NELL1: variants seen among roughly 807,000 people sequenced by gnomAD.
NELL1 encodes neural EGFL like 1, also known as protein kinase C-binding protein NELL1.
In NELL1, 76 loss-of-function variants were observed where a neutral mutation model predicts 107.4. That is an observed-to-expected ratio of 0.71 (90% CI 0.59 to 0.86). The LOEUF (loss-of-function observed/expected upper bound fraction) is 0.86, where lower values mean the gene tolerates loss of function less well. Among genes scored for constraint, NELL1 ranks in the 40% least tolerant of loss-of-function variants. The probability of loss-of-function intolerance (pLI) is 0.00; values close to 1 mark genes in which losing one functional copy is unlikely to be tolerated. For missense variants in NELL1, 1,024 were observed against 1,005.5 expected (o/e 1.02, Z -0.25); for synonymous variants, 353 against 341.2 (o/e 1.03, Z -0.38).
intron 2 of NELL1, among the ~76,000 whole-genome samples, chr11:20,715,368 C>T (rs1855225257): frequency 6.6e-6 from 1 of 151,382 alleles, no homozygotes; most frequent in Non-Finnish European, 1.5e-5. Flanking sequence ...CTTCTGTCAG[C>T]CTTCCTATAC....
chr11:21,456,849 G>A (rs1036143395), intron 15 of NELL1, among the ~76,000 whole-genome samples: 3 of 151,920 alleles, frequency 2.0e-5, no homozygotes, highest in African/African-American at 7.3e-5. Context: ...TATTTTCCAT[G>A]AGATGGTGTA....
chr11:21,229,265 A>G, intron 13 of NELL1, 67 bp from the exon 14 acceptor site: 14 of 1,579,620 alleles, frequency 8.9e-6, no homozygotes, highest in African/African-American at 1.3e-5. Context: ...TTCCAGCTAC[A>G]TTTCCCAATA....
At chr11:20,895,414 T>C (rs1293272746) in intron 5 of NELL1, among the ~76,000 whole-genome samples, 2 of 150,092 alleles carry the variant, frequency 1.3e-5, no homozygotes, top group Admixed American at 6.6e-5. Context: ...GTCTCTGTTA[T>C]CTGTCTTTCC....
At chr11:20,890,076 G>A (rs2134114138) in intron 5 of NELL1, among the ~76,000 whole-genome samples, 1 of 152,262 alleles carries the variant, frequency 6.6e-6, no homozygotes, top group Non-Finnish European at 1.5e-5. Flanking sequence ...GGGTTGTCAA[G>A]CACCCTATAC....
chr11:20,862,215 C>T (rs1475774648), intron 4 of NELL1, among the ~76,000 whole-genome samples: 1 of 152,162 alleles, frequency 6.6e-6, no homozygotes, highest in Non-Finnish European at 1.5e-5. Flanking sequence ...GATTCTTTCT[C>T]ATCTGAGAAA....
At chr11:20,726,898 C>T (rs554728552) in intron 2 of NELL1, among the ~76,000 whole-genome samples, 1 of 152,296 alleles carries the variant, frequency 6.6e-6, no homozygotes, top group Admixed American at 6.5e-5. Context: ...TTTCCAGCTT[C>T]ATCCATGTCC....
chr11:20,904,216 TAAAAAA>T (rs59464771), intron 5 of NELL1, among the ~76,000 whole-genome samples: 1 of 137,648 alleles, frequency 7.3e-6, no homozygotes, highest in Admixed American at 7.3e-5. Flanking sequence ...AATAAATAAA[TAAAAAA>T]AAAAAGAAAA....
At chr11:21,337,764 CTTT>C (rs1850448138) in intron 14 of NELL1, among the ~76,000 whole-genome samples, 1 of 142,214 alleles carries the variant, frequency 7.0e-6, no homozygotes, top group Non-Finnish European at 1.5e-5. Flanking sequence ...TTCTTTCTTT[CTTT>C]CTTTCTTTCT....
At chr11:21,327,900 C>T (rs4922804) in intron 14 of NELL1, among the ~76,000 whole-genome samples, 19,248 of 152,040 alleles carry the variant, frequency 0.13, 1,419 homozygotes, top group East Asian at 0.25. Flanking sequence ...GAACTTTGAA[C>T]TCGGGAGAGA....
At chr11:20,679,035 G>A (rs890525079) in intron 2 of NELL1, among the ~76,000 whole-genome samples, 5 of 152,184 alleles carry the variant, frequency 3.3e-5, no homozygotes. Flanking sequence ...ACTTTCGCAT[G>A]GCGGAAGGGT....
At chr11:21,286,823 C>A (rs1324669371) in intron 14 of NELL1, among the ~76,000 whole-genome samples, 1 of 152,130 alleles carries the variant, frequency 6.6e-6, no homozygotes, top group Non-Finnish European at 1.5e-5. Context: ...CTTTCCTTGT[C>A]CTTTGTAGTC....
chr11:21,459,933 T>C (rs1437097875), intron 15 of NELL1, among the ~76,000 whole-genome samples: 1 of 152,042 alleles, frequency 6.6e-6, no homozygotes, highest in Non-Finnish European at 1.5e-5. Context: ...AGAAGGATTT[T>C]CTTGGAGAAG....
intron 15 of NELL1, among the ~76,000 whole-genome samples, chr11:21,508,609 G>A (rs1311504115): frequency 6.6e-6 from 1 of 151,968 alleles, no homozygotes; most frequent in Non-Finnish European, 1.5e-5. Flanking sequence ...ACAAATATTA[G>A]CAAAACAACC....
chr11:21,129,335 T>G (rs554205661), intron 13 of NELL1, among the ~76,000 whole-genome samples: 4 of 152,202 alleles, frequency 2.6e-5, no homozygotes, highest in East Asian at 1.9e-4. Context: ...GAAAATAGTT[T>G]GGTGGTTCAT....
chr11:21,026,796 G>A (rs1041633418), intron 12 of NELL1, among the ~76,000 whole-genome samples: 5 of 152,118 alleles, frequency 3.3e-5, no homozygotes, highest in African/African-American at 1.2e-4. Context: ...ATCCTTTATA[G>A]ATGAGAAACA....
chr11:21,196,588 C>A (rs557341223), intron 13 of NELL1, among the ~76,000 whole-genome samples: 7 of 152,204 alleles, frequency 4.6e-5, no homozygotes, highest in Admixed American at 6.5e-5. Flanking sequence ...CTTCCCCAGG[C>A]CTCTCTATCT....
chr11:21,406,376 G>A (rs1852236635), intron 15 of NELL1, among the ~76,000 whole-genome samples: 1 of 150,566 alleles, frequency 6.6e-6, no homozygotes, highest in South Asian at 2.1e-4. Context: ...CCCCAATTGA[G>A]GGATTGCTTT....
At chr11:21,095,666 A>G (rs1309115595) in intron 12 of NELL1, among the ~76,000 whole-genome samples, 6 of 152,070 alleles carry the variant, frequency 3.9e-5, no homozygotes, top group Middle Eastern at 3.4e-3. Context: ...GCTGGAGTGC[A>G]ATGGCACAGT....
intron 19 of NELL1, among the ~76,000 whole-genome samples, chr11:21,574,252 AG>A (rs1052929269): frequency 1.6e-3 from 42 of 25,952 alleles, no homozygotes; most frequent in Non-Finnish European, 0.01. Flanking sequence ...TTATAAATGT[AG>A]ATTTTTTTTT....
Sources: allele counts gnomAD v4.1 joint callset (sites outside exome capture counted in the v4.1 genomes callset), GRCh38; gene constraint gnomAD v4.1.1; transcripts MANE v1.5; gene names NCBI Gene and HGNC (gene_info 2026-07-23, HGNC 2026-07-21).